Variants in ZBTB20 observed in about 807,000 individuals in gnomAD.
ZBTB20 encodes the protein zinc finger and BTB domain containing 20.
ZBTB20 carries 9 observed loss-of-function variants against 56.9 expected under a neutral mutation model. The ratio of observed to expected loss-of-function variants is 0.16; its 90% confidence interval spans 0.10 to 0.28. The LOEUF (loss-of-function observed/expected upper bound fraction) is 0.28, where lower values mean the gene tolerates loss of function less well. Among genes scored for constraint, ZBTB20 ranks in the 10% least tolerant of loss-of-function variants. ZBTB20 has a pLI of 1.00. For missense variants in ZBTB20, 655 were observed against 1,003.0 expected (o/e 0.65, Z 4.69); for synonymous variants, 417 against 420.7 (o/e 0.99, Z 0.11).
chr3:115,094,647 A>G (rs1262778638), intron 1 of ZBTB20, among the ~76,000 whole-genome samples: 1 of 151,912 alleles, frequency 6.6e-6, no homozygotes, highest in African/African-American at 2.4e-5. Flanking sequence ...TCATACTATA[A>G]AAGGAATTGC....
intron 7 of ZBTB20, among the ~76,000 whole-genome samples, chr3:114,440,199 G>A (rs1387906067): frequency 6.6e-6 from 1 of 151,774 alleles, no homozygotes; most frequent in African/African-American, 2.4e-5. Context: ...AGATAGCTAC[G>A]ATATATACAT....
At chr3:114,575,605 A>T (rs1011414468) in intron 6 of ZBTB20, among the ~76,000 whole-genome samples, 1 of 150,322 alleles carries the variant, frequency 6.7e-6, no homozygotes, top group African/African-American at 2.5e-5. Context: ...AAAAAAAAAA[A>T]TAGGAACTAC....
Position 114,637,614 on chromosome 3 carries a change from T to C in ZBTB20, c.-295+55914A>G, listed in dbSNP as rs181475639. Reference sequence around the variant, plus strand: ...CTGTTCTATCATCTCCATGATTTCTTAAATTATGTCTAGACTTCTGGATTA... The same window carrying C: ...CTGTTCTATCATCTCCATGATTTCTCAAATTATGTCTAGACTTCTGGATTA... On this transcript the variant is annotated intron_variant, in intron 6 of 11. Transcript: ENST00000675478. Among the ~76,000 whole-genome samples the C allele has an allele frequency of 6.4e-4, 98 of 152,244 alleles. 1 individual carries two copies. Among genetic ancestry groups the C allele is most frequent in the South Asian group, 1.9e-3 (9 of 4,830 alleles).
intron 7 of ZBTB20, among the ~76,000 whole-genome samples, chr3:114,485,633 AT>A (rs2042030495): frequency 6.6e-6 from 1 of 152,194 alleles, no homozygotes; most frequent in African/African-American, 2.4e-5. Context: ...TTAATTGCCC[AT>A]GTGATAGTAT....
chr3:114,472,717 A>G (rs1384689605), intron 7 of ZBTB20, among the ~76,000 whole-genome samples: 1 of 152,028 alleles, frequency 6.6e-6, no homozygotes, highest in East Asian at 1.9e-4. Context: ...TCAGAAGAAA[A>G]AAAAAAAAGA....
chr3:114,748,350 T>TC (rs373583112), intron 5 of ZBTB20, among the ~76,000 whole-genome samples: 1,476 of 28,912 alleles, frequency 0.051, 29 homozygotes, highest in African/African-American at 0.055. Context: ...TCTTTCTTTC[T>TC]TTTCTCTCTC....
chr3:114,729,760 A>G (rs1187177003), intron 5 of ZBTB20, among the ~76,000 whole-genome samples: 1 of 152,038 alleles, frequency 6.6e-6, no homozygotes, highest in Admixed American at 6.6e-5. Context: ...TTTTTAGAGA[A>G]TTGCAGAATT....
intron 7 of ZBTB20, among the ~76,000 whole-genome samples, chr3:114,421,141 T>C (rs920844197): frequency 2.6e-5 from 4 of 152,130 alleles, no homozygotes; most frequent in Non-Finnish European, 5.9e-5. Context: ...CTTAGACCTT[T>C]ATGTCCACAG....
chr3:114,653,833 C>G (rs2060256851), intron 6 of ZBTB20, among the ~76,000 whole-genome samples: 1 of 151,846 alleles, frequency 6.6e-6, no homozygotes, highest in South Asian at 2.1e-4. Context: ...CTTTGGTTTA[C>G]TATGCCAGTT....
chr3:114,379,106 T>G (rs2084011585), intron 10 of ZBTB20: 1 of 152,244 alleles, frequency 6.6e-6, no homozygotes, highest in African/African-American at 2.4e-5. Flanking sequence ...CCTGGACCAT[T>G]GTCTCTTGCC....
At chr3:114,876,343 A>C (rs936697709) in intron 4 of ZBTB20, 1 of 152,100 alleles carries the variant, frequency 6.6e-6, no homozygotes, top group Admixed American at 6.6e-5. Context: ...CCTCATACTC[A>C]GCAGGCTGAG....
chr3:115,072,714 C>T (rs1022420648), intron 1 of ZBTB20, among the ~76,000 whole-genome samples: 1 of 152,174 alleles, frequency 6.6e-6, no homozygotes, highest in African/African-American at 2.4e-5. Context: ...CTGGCTCTCC[C>T]TCTCTGGCCC....
intron 4 of ZBTB20, among the ~76,000 whole-genome samples, chr3:114,891,903 C>T (rs1483180910): frequency 3.9e-5 from 6 of 152,048 alleles, no homozygotes; most frequent in Non-Finnish European, 5.9e-5. Flanking sequence ...AAAAACTAGA[C>T]GGGTGTGGTG....
chr3:114,918,732 T>A (rs2075839983), intron 3 of ZBTB20, among the ~76,000 whole-genome samples: 1 of 152,160 alleles, frequency 6.6e-6, no homozygotes, highest in Non-Finnish European at 1.5e-5. Flanking sequence ...CTGAGTGGGA[T>A]CCAAGTTGCA....
At position 114,339,234 on chromosome 3, in the gene ZBTB20, A is replaced by G. The variant is rs2079583637; in HGVS notation, c.1997T>C (p.Ile666Thr). The G allele has an allele frequency of 3.1e-6, 5 of 1,614,148 alleles. No individual in the cohort carries two copies. Among genetic ancestry groups the G allele is most frequent in the Non-Finnish European group, 4.2e-6 (5 of 1,180,016 alleles). Residue 666 changes from isoleucine (I) to threonine (T), a missense_variant, in exon 12 of 12, where the codon ATC (isoleucine) becomes ACC (threonine). By Grantham distance (89) the Ile-to-Thr change is moderately conservative (BLOSUM62 -1). Transcript: ENST00000675478. The surrounding 1 kb of genome is among the most constrained non-coding windows in gnomAD (Gnocchi z 4.2). Reference sequence around the variant, plus strand: ...CTTGTGAGAGAACTTCTTTTTGCAGATGTAGCACTCGTAGGACTTCTCTCC... The same window carrying G: ...CTTGTGAGAGAACTTCTTTTTGCAGGTGTAGCACTCGTAGGACTTCTCTCC... Reference protein sequence around the residue: ...HRGEKSYECYICKKKFSHKTL... With the variant: ...HRGEKSYECYTCKKKFSHKTL...
At chr3:114,990,351 T>G (rs948214822) in intron 2 of ZBTB20, among the ~76,000 whole-genome samples, 23 of 152,280 alleles carry the variant, frequency 1.5e-4, no homozygotes, top group Admixed American at 6.5e-4. Flanking sequence ...TCTGCATCTA[T>G]TGAGATAATC....
chr3:114,462,628 GTA>G (rs1289366924), intron 7 of ZBTB20, among the ~76,000 whole-genome samples: 1 of 152,128 alleles, frequency 6.6e-6, no homozygotes, highest in East Asian at 1.9e-4. Flanking sequence ...TAGAAAATAT[GTA>G]TATCCTGGTA....
intron 6 of ZBTB20, among the ~76,000 whole-genome samples, chr3:114,666,482 A>C (rs1486277573): frequency 1.3e-5 from 2 of 152,060 alleles, no homozygotes; most frequent in East Asian, 3.9e-4. Flanking sequence ...ATGCAGACAG[A>C]AAGAAGTGTG....
intron 3 of ZBTB20, among the ~76,000 whole-genome samples, chr3:114,929,000 A>G (rs1191252236): frequency 6.6e-6 from 1 of 152,254 alleles, no homozygotes. Flanking sequence ...ACTCATAGAA[A>G]AGAATTTTGT....
Sources: gnomAD v4.1 joint callset for allele counts (sites outside exome capture counted in the v4.1 genomes callset) on GRCh38, gnomAD v4.1.1 for gene constraint, Gnocchi (gnomAD v3.1) non-coding constraint, MANE v1.5 for transcripts, NCBI Gene and HGNC (gene_info 2026-07-23, HGNC 2026-07-21) for gene names.